SLC1A2: variants seen among roughly 807,000 people sequenced by gnomAD.
SLC1A2 encodes excitatory amino acid transporter 2.
In SLC1A2, 15 loss-of-function variants were observed where a neutral mutation model predicts 48.8. The ratio of observed to expected loss-of-function variants is 0.31; its 90% confidence interval spans 0.21 to 0.47. The LOEUF (loss-of-function observed/expected upper bound fraction) is 0.47. SLC1A2 is among the 20% of genes least tolerant of loss of function. The pLI, the probability that SLC1A2 is intolerant of heterozygous loss-of-function variation, is 0.99. For missense variants in SLC1A2, 502 were observed against 730.5 expected (o/e 0.69, Z 3.61); for synonymous variants, 279 against 272.6 (o/e 1.02, Z -0.23).
chr11:35,344,388 G>A (rs893927606), intron 1 of SLC1A2, among the ~76,000 whole-genome samples: 2 of 152,108 alleles, frequency 1.3e-5, no homozygotes, highest in African/African-American at 4.8e-5. Context: ...TTCTGAGAAG[G>A]AACAGCAAGT....
At chr11:35,261,555 A>G (rs923108907) in intron 10 of SLC1A2, 1 of 397,336 alleles carries the variant, frequency 2.5e-6, no homozygotes, top group Non-Finnish European at 4.4e-6. Context: ...ACATTTAATA[A>G]TCAGATAAAA....
chr11:35,267,501 C>A, intron 9 of SLC1A2, among the ~76,000 whole-genome samples: 1 of 152,068 alleles, frequency 6.6e-6, no homozygotes, highest in East Asian at 1.9e-4. Context: ...CAAGTCAATT[C>A]AAATATATTT....
chr11:35,353,924 A>G (rs1459259871), intron 1 of SLC1A2, among the ~76,000 whole-genome samples: 1 of 152,238 alleles, frequency 6.6e-6, no homozygotes, highest in Non-Finnish European at 1.5e-5. Context: ...ATATTAATAT[A>G]CATTTAAACT....
At chr11:35,407,896 G>A (rs1437976019) in intron 1 of SLC1A2, among the ~76,000 whole-genome samples, 1 of 152,116 alleles carries the variant, frequency 6.6e-6, no homozygotes, top group Non-Finnish European at 1.5e-5. Flanking sequence ...TGCTGTGTGC[G>A]GGTGAGCTCC....
At chr11:35,402,994 G>A (rs1326239710) in intron 1 of SLC1A2, among the ~76,000 whole-genome samples, 1 of 152,226 alleles carries the variant, frequency 6.6e-6, no homozygotes, top group Non-Finnish European at 1.5e-5. Context: ...TATGCACCAA[G>A]TGTTAGCAGC....
intron 1 of SLC1A2, among the ~76,000 whole-genome samples, chr11:35,328,119 G>A (rs1361329713): frequency 1.3e-5 from 2 of 152,130 alleles, no homozygotes; most frequent in Non-Finnish European, 2.9e-5. Context: ...TATGCTGCTG[G>A]TGCCATGGCC....
At chr11:35,328,224 C>T (rs934274701) in intron 1 of SLC1A2, among the ~76,000 whole-genome samples, 7 of 152,180 alleles carry the variant, frequency 4.6e-5, no homozygotes, top group African/African-American at 1.7e-4. Context: ...CCCACTGACT[C>T]AGCCAGCACT....
At chr11:35,337,870 G>C (rs1055501355) in intron 1 of SLC1A2, among the ~76,000 whole-genome samples, 17 of 152,102 alleles carry the variant, frequency 1.1e-4, no homozygotes, top group Non-Finnish European at 2.5e-4. Context: ...GGAATACACT[G>C]CTGACTTATG....
intron 8 of SLC1A2, among the ~76,000 whole-genome samples, chr11:35,284,770 C>T (rs565448922): frequency 2.6e-5 from 4 of 152,298 alleles, no homozygotes; most frequent in African/African-American, 9.6e-5. Flanking sequence ...AGTGGCCATT[C>T]CATGGCAATA....
In SLC1A2 at chr11:35,419,408, G is replaced by A; in HGVS notation, c.-442C>T. The A allele has an allele frequency of 5.2e-6, 1 of 192,074 alleles. No homozygotes were observed. The highest frequency in any genetic ancestry group is 2.3e-5 in the African/African-American group (1 of 42,920). 11.9% of individuals were successfully genotyped at this position (192,074 alleles called of 1,614,324 possible). A position where few individuals can be genotyped will look rare whatever the true frequency, so the allele number is the denominator to read the frequency against. On this transcript the variant is annotated 5_prime_UTR_variant, in exon 1 of 11. It adds an upstream start codon to the 5' untranslated region. Transcript: ENST00000278379. The surrounding 1 kb of genome is among the most constrained non-coding windows in gnomAD (Gnocchi z 5.4). ...CAGAGGACGGTGAGCGTGCGTGCGC[G>A]TGTGCGGGTGTGTGCGCGCCTGGGG...
At chr11:35,350,195 A>C (rs990291598) in intron 1 of SLC1A2, among the ~76,000 whole-genome samples, 2 of 152,222 alleles carry the variant, frequency 1.3e-5, no homozygotes. Context: ...AACTTAAACA[A>C]CAAGAAGACA....
Position 35,411,834 on chromosome 11 carries a change from C to G in SLC1A2, c.17+7116G>C, listed in dbSNP as rs552077432. 3.9e-5 allele frequency among the ~76,000 whole-genome samples: 6 copies of G among 152,290 alleles called. No homozygotes were observed. The East Asian group carries it at 1.2e-3, about 29-fold the overall frequency. ...TTTCAATTAACTAAACTTATTCTCA[C>G]TTTTTTATGGTGACATTTTCTTTTG... is the stretch of plus-strand genomic sequence containing the variant. On this transcript the variant is annotated intron_variant, in intron 1 of 10. Coordinates refer to ENST00000278379, the MANE Select transcript of SLC1A2 (RefSeq NM_004171.4).
chr11:35,289,192 A>T (rs1020069143), intron 7 of SLC1A2, among the ~76,000 whole-genome samples: 1 of 152,228 alleles, frequency 6.6e-6, no homozygotes, highest in African/African-American at 2.4e-5. Context: ...CCCTGACACC[A>T]GCCTCTGGAA....
chr11:35,308,319 T>C (rs1194487163), intron 4 of SLC1A2, among the ~76,000 whole-genome samples: 2 of 152,122 alleles, frequency 1.3e-5, no homozygotes, highest in Non-Finnish European at 2.9e-5. Context: ...AGGCCAGTGA[T>C]GTAAGTTGAA....
chr11:35,261,027 G>C (rs1950386657), intron 10 of SLC1A2, 62 bp from the exon 11 acceptor site: 3 of 1,202,108 alleles, frequency 2.5e-6, no homozygotes, highest in Admixed American at 1.7e-5. Flanking sequence ...AGCCCTGTGG[G>C]TTATGTGGAG....
chr11:35,323,078 C>T (rs1355649192), intron 1 of SLC1A2: 6 of 361,084 alleles, frequency 1.7e-5, no homozygotes, highest in African/African-American at 4.2e-5. Flanking sequence ...CCTTCAGTCC[C>T]TTCTTCTATT....
At chr11:35,386,946 T>G (rs1490452637) in intron 1 of SLC1A2, among the ~76,000 whole-genome samples, 2 of 152,212 alleles carry the variant, frequency 1.3e-5, no homozygotes, top group Non-Finnish European at 2.9e-5. Context: ...CCTTTTTTAT[T>G]TGTTGTAGAG....
At chr11:35,265,238 T>A in intron 10 of SLC1A2, 1 of 488,726 alleles carries the variant, frequency 2.0e-6, no homozygotes, top group South Asian at 3.9e-5. Flanking sequence ...TCAAGACAAC[T>A]GGTCAAATTA....
At chr11:35,261,969 T>C (rs1047590649) in intron 10 of SLC1A2, 1 of 375,790 alleles carries the variant, frequency 2.7e-6, no homozygotes, top group Non-Finnish European at 4.7e-6. Context: ...AAACAGACCA[T>C]GCAATTAGCA....
Sources: gnomAD v4.1 joint callset for allele counts (sites outside exome capture counted in the v4.1 genomes callset) on GRCh38, gnomAD v4.1.1 for gene constraint, Gnocchi (gnomAD v3.1) non-coding constraint, MANE v1.5 for transcripts, NCBI Gene and HGNC (gene_info 2026-07-23, HGNC 2026-07-21) for gene names.